Variants in CALN1 observed in about 807,000 individuals in gnomAD.
CALN1 encodes calneuron 1, also known as calcium-binding protein 8.
CALN1 carries 17 observed loss-of-function variants against 30.6 expected under a neutral mutation model. The observed-to-expected ratio is 0.56, with a 90% CI of 0.38 to 0.83. The LOEUF (loss-of-function observed/expected upper bound fraction) is 0.83. CALN1 is among the 40% of genes least tolerant of loss of function. The pLI is 0.00. For synonymous variants in CALN1, 156 were observed against 131.4 expected, an observed-to-expected ratio of 1.19 and a Z score of -1.28; for missense variants, 291 against 354.9, an observed-to-expected ratio of 0.82 and a Z score of 1.45.
chr7:72,423,651 C>A lies in CALN1; in HGVS notation c.-225-11376G>T, dbSNP rs548291582. ...ATTCAAAGAAGATAATCCAGCCTCT[C>A]TGGAAAATACATGCATCTGGCCAGG... On this transcript the variant is annotated intron_variant, in intron 1 of 6. Coordinates refer to the CALN1 transcript ENST00000395276. 1.3e-4 allele frequency among the ~76,000 whole-genome samples: 20 copies of A among 152,216 alleles called. No individual in the cohort carries two copies. In the East Asian group the frequency reaches 2.5e-3, roughly 19 times the overall value.
intron 3 of CALN1, among the ~76,000 whole-genome samples, chr7:72,152,803 T>G (rs906662884): frequency 5.3e-5 from 8 of 152,208 alleles, no homozygotes; most frequent in Admixed American, 5.2e-4. Context: ...CTTGTTCCTC[T>G]AGGCTGTACA....
chr7:71,836,515 G>A (rs913826370), intron 5 of CALN1, among the ~76,000 whole-genome samples: 9 of 152,110 alleles, frequency 5.9e-5, no homozygotes, highest in Non-Finnish European at 1.3e-4. Context: ...CCGCCTTTAA[G>A]GGACTTATCT....
intron 4 of CALN1, among the ~76,000 whole-genome samples, chr7:72,097,311 A>C (rs1244779947): frequency 6.6e-6 from 1 of 152,216 alleles, no homozygotes; most frequent in East Asian, 1.9e-4. Flanking sequence ...AGTGTAAAAA[A>C]AAGAACACTG....
At chr7:72,414,137 AG>A (rs1807348686), upstream of CALN1, among the ~76,000 whole-genome samples, 1 of 152,090 alleles carries the variant, frequency 6.6e-6, no homozygotes, top group African/African-American at 2.4e-5. Context: ...CACTCATTGG[AG>A]GCAGACCGTG....
At chr7:71,916,328 C>A (rs1794686482) in intron 5 of CALN1, among the ~76,000 whole-genome samples, 1 of 151,758 alleles carries the variant, frequency 6.6e-6, no homozygotes, top group Admixed American at 6.6e-5. Flanking sequence ...GATGGTGAAT[C>A]AATCGCCTGA....
intron 2 of CALN1, among the ~76,000 whole-genome samples, chr7:72,303,057 G>T (rs1799402961): frequency 6.6e-6 from 1 of 151,510 alleles, no homozygotes; most frequent in Admixed American, 6.6e-5. Flanking sequence ...CTCTAACCTG[G>T]TGACAGAGAC....
intron 5 of CALN1, among the ~76,000 whole-genome samples, chr7:71,977,933 A>T (rs75958412): frequency 7.8e-5 from 5 of 64,502 alleles, no homozygotes; most frequent in African/African-American, 1.3e-4. Context: ...CTCTGTCTTT[A>T]AAAAAAAAAA....
At chr7:72,003,755 A>T (rs2129528723) in intron 5 of CALN1, among the ~76,000 whole-genome samples, 1 of 152,314 alleles carries the variant, frequency 6.6e-6, no homozygotes, top group East Asian at 1.9e-4. Context: ...TTGTATAATT[A>T]TTTCATTATA....
intron 2 of CALN1, among the ~76,000 whole-genome samples, chr7:72,338,521 G>GTGTGTGTGTGTC (rs1562903936): frequency 1.6e-5 from 1 of 64,154 alleles, no homozygotes; most frequent in African/African-American, 4.4e-5. Flanking sequence ...GTGTGTGTGT[G>GTGTGTGTGTGTC]TGTGTGTCTC....
At position 72,385,493 on chromosome 7, in the gene CALN1, T is replaced by G. The variant is rs147448922; in HGVS notation, c.119+17758A>C. Among the ~76,000 whole-genome samples the G allele has an allele frequency of 4.3e-3, 658 of 152,216 alleles. 6 individuals are homozygous for G. The highest frequency in any genetic ancestry group is 0.017 in the Middle Eastern group (5 of 294). On this transcript the variant is annotated intron_variant, in intron 2 of 6. Transcript: ENST00000395275. ...AAAAAGAAATGCCATATTGATATGGTTTGGCTTCATGTCCCCACCCAAACC... is the reference window on the plus strand; with the variant it reads ...AAAAAGAAATGCCATATTGATATGGGTTGGCTTCATGTCCCCACCCAAACC...
intron 3 of CALN1, among the ~76,000 whole-genome samples, chr7:72,159,842 T>C (rs1300898646): frequency 6.6e-6 from 1 of 152,062 alleles, no homozygotes. Flanking sequence ...AAAAAATATT[T>C]AGAAAGAAGA....
At chr7:72,146,600 A>G (rs2129543817) in intron 3 of CALN1, among the ~76,000 whole-genome samples, 1 of 152,364 alleles carries the variant, frequency 6.6e-6, no homozygotes, top group East Asian at 1.9e-4. Flanking sequence ...CTTTCTTCAC[A>G]GAATTGGAAA....
At chr7:71,880,849 C>T (rs548100292) in intron 5 of CALN1, among the ~76,000 whole-genome samples, 39 of 152,320 alleles carry the variant, frequency 2.6e-4, no homozygotes, top group Non-Finnish European at 4.4e-4. Context: ...CGCATTCCTT[C>T]CATCTAGTTG....
In CALN1 at chr7:72,438,920, C is replaced by G. The variant is rs1028948183; in HGVS notation, c.-226+8122G>C. ...TGGAAATAGACAAGGTACAAGCCACCTAACTTTTCAACATTCCTTAAAGGA... is the reference window on the plus strand; with the variant it reads ...TGGAAATAGACAAGGTACAAGCCACGTAACTTTTCAACATTCCTTAAAGGA... On this transcript the variant is annotated intron_variant, in intron 1 of 6. Coordinates refer to the CALN1 transcript ENST00000395276. 1.3e-5 allele frequency among the ~76,000 whole-genome samples: 2 copies of G among 152,220 alleles called. 1 individual carries two copies. The highest frequency in any genetic ancestry group is 3.8e-4 in the East Asian group (2 of 5,200).
intron 3 of CALN1, among the ~76,000 whole-genome samples, chr7:72,269,547 G>A (rs1225213043): frequency 6.6e-6 from 1 of 152,134 alleles, no homozygotes; most frequent in African/African-American, 2.4e-5. Flanking sequence ...GCAGATAGTG[G>A]AAAAACCTCA....
chr7:71,985,571 T>A (rs1358854459), intron 5 of CALN1, among the ~76,000 whole-genome samples: 2 of 150,052 alleles, frequency 1.3e-5, no homozygotes, highest in Non-Finnish European at 3.0e-5. Context: ...ACTCATGCTG[T>A]ACAGGTAGTT....
At chr7:72,299,556 A>C (rs1799106663) in intron 2 of CALN1, among the ~76,000 whole-genome samples, 1 of 152,304 alleles carries the variant, frequency 6.6e-6, no homozygotes, top group African/African-American at 2.4e-5. Context: ...TAATAGGCAA[A>C]CAGGGAATGC....
At chr7:72,409,201 G>A (rs990952523) in intron 1 of CALN1, among the ~76,000 whole-genome samples, 1 of 151,426 alleles carries the variant, frequency 6.6e-6, no homozygotes, top group Non-Finnish European at 1.5e-5. Flanking sequence ...TCACCATCTT[G>A]GCCAGGCTGG....
At chr7:71,951,314 G>A (rs1404325761) in intron 5 of CALN1, among the ~76,000 whole-genome samples, 6 of 152,160 alleles carry the variant, frequency 3.9e-5, no homozygotes, top group African/African-American at 9.7e-5. Context: ...AGAAACGGCC[G>A]GGCGCATGGC....
Sources: allele counts gnomAD v4.1 joint callset (sites outside exome capture counted in the v4.1 genomes callset), GRCh38; gene constraint gnomAD v4.1.1; transcripts MANE v1.5; gene names NCBI Gene and HGNC (gene_info 2026-07-23, HGNC 2026-07-21).